The following ARVCF variants were observed in gnomAD, a reference collection of about 807,000 sequenced individuals.
The protein encoded by ARVCF is splicing regulator ARVCF.
A neutral mutation model predicts 90.9 loss-of-function variants in ARVCF; 66 were observed. That is an observed-to-expected ratio of 0.73 (90% CI 0.60 to 0.89). ARVCF has a LOEUF of 0.89. Ranked by LOEUF, ARVCF falls within the 40% of genes least tolerant of loss-of-function variation. The pLI, the probability that ARVCF is intolerant of heterozygous loss-of-function variation, is 0.00. For missense variants in ARVCF, 1,469 were observed against 1,382.3 expected, an observed-to-expected ratio of 1.06 and a Z score of -1.00; for synonymous variants, 653 against 603.4, an observed-to-expected ratio of 1.08 and a Z score of -1.21.
At chr22:19,996,367 C>T (rs1944251832) in intron 2 of ARVCF, among the ~76,000 whole-genome samples, 1 of 150,986 alleles carries the variant, frequency 6.6e-6, no homozygotes, top group Admixed American at 6.6e-5. Context: ...AGAACTGACA[C>T]CATTTAGAGC....
At chr22:19,989,454 G>C (rs1427563357) in intron 3 of ARVCF, among the ~76,000 whole-genome samples, 4 of 152,158 alleles carry the variant, frequency 2.6e-5, no homozygotes, top group African/African-American at 9.7e-5. Context: ...GCCTGACACA[G>C]GCTGCTGGTT....
intron 2 of ARVCF, among the ~76,000 whole-genome samples, chr22:19,991,831 G>A (rs1261003844): frequency 6.6e-6 from 1 of 152,264 alleles, no homozygotes; most frequent in Non-Finnish European, 1.5e-5. Flanking sequence ...ATAGCCACGA[G>A]GCCACACTGC....
Position 19,977,980 on chromosome 22 carries a change from C to G in ARVCF, c.1676G>C (p.Gly559Ala). The G allele has an allele frequency of 6.2e-7, 1 of 1,610,014 alleles. No homozygotes were observed. The highest frequency in any genetic ancestry group is 1.7e-5 in the Admixed American group (1 of 59,632). The stretch of plus-strand genomic sequence containing the variant: ...CACCTTGTTGTCAGTGTCCTTCCGG[C>G]CCACAGCCGACTGCAGGGCATGCAG... ...ALLHALQSAV[G>A]RKDTDNKSVE... is the part of the protein sequence containing the mutation. The change falls in exon 8 of 20, where the codon GGC (glycine) becomes GCC (alanine). Residue 559 changes from glycine (G) to alanine (A), a missense_variant. Physicochemically the swap from Gly to Ala is moderately conservative, Grantham distance 60. Transcript: ENST00000263207.
chr22:20,003,158 C>T (rs938922905), intron 2 of ARVCF, among the ~76,000 whole-genome samples: 16 of 152,120 alleles, frequency 1.1e-4, no homozygotes, highest in Admixed American at 2.6e-4. Flanking sequence ...AAACACACAA[C>T]CTACCAAGAC....
intron 2 of ARVCF, among the ~76,000 whole-genome samples, chr22:20,002,796 G>A (rs1244939589): frequency 6.6e-6 from 1 of 152,214 alleles, no homozygotes; most frequent in African/African-American, 2.4e-5. Flanking sequence ...AGCTGCTGAT[G>A]TGTGGAATTG....
rs1601578859 is a variant in ARVCF at position 19,974,165 on chromosome 22, T to C, written c.2035A>G (p.Thr679Ala). ...AGAGCGCCGGCGGCAGCCTCCAGGG[T>C]GTTGAAGTTCCGGCTCTCCGTGAGG... ...SLLTESRNFN[T>A]LEAAAGALQN... The change falls in exon 12 of 20, where the codon ACC becomes GCC. Residue 679 changes from threonine to alanine, a missense_variant. Transcript: ENST00000263207. 1 of 1,612,698 alleles carries C rather than the reference T, an allele frequency of 6.2e-7. No homozygotes were observed. Among genetic ancestry groups the C allele is most frequent in the Admixed American group, 1.7e-5 (1 of 59,962 alleles).
At chr22:19,969,784 G>A, downstream of ARVCF, 12 of 958,178 alleles carry the variant, frequency 1.3e-5, no homozygotes, top group Non-Finnish European at 1.5e-5. Flanking sequence ...GGACACAGCA[G>A]ATGGGCACCT....
intron 7 of ARVCF, among the ~76,000 whole-genome samples, chr22:19,978,619 C>G (rs547395391): frequency 2.6e-5 from 4 of 152,162 alleles, no homozygotes; most frequent in East Asian, 3.9e-4. Flanking sequence ...CCCAGCTCCC[C>G]CTCTGGCTGT....
chr22:19,967,392 C>T (rs949430761), downstream of ARVCF: 4 of 458,706 alleles, frequency 8.7e-6, no homozygotes, highest in Non-Finnish European at 1.7e-5. Context: ...ATTGCTAGGA[C>T]ATTTTTTTTT....
chr22:20,016,449 G>T, intron 1 of ARVCF, 140 bp downstream of exon 1: 1 of 151,936 alleles, frequency 6.6e-6, no homozygotes, highest in East Asian at 2.0e-4. Flanking sequence ...ACCCTCGCCC[G>T]GATCTCGACT....
In ARVCF at chr22:19,977,906, G is replaced by A. The variant is rs574458120; in HGVS notation, c.1698+52C>T. 15 of 1,535,914 alleles carry A rather than the reference G, an allele frequency of 9.8e-6. 1 individual carries two copies. In the South Asian group the frequency reaches 1.1e-4, roughly 11 times the overall value. ...CCACAGTTCCAGCCTCCTGGGACCT[G>A]CATGATCGTCTCTCCAGCCCTTGGT... On this transcript the variant is annotated intron_variant, in intron 8 of 19. Transcript: ENST00000263207.
intron 3 of ARVCF, chr22:19,986,659 C>T: frequency 5.8e-6 from 1 of 172,696 alleles, no homozygotes; most frequent in Non-Finnish European, 1.2e-5. Context: ...ACCCGGGCTT[C>T]CCTCTTCAGA....
In ARVCF at chr22:20,002,216, T is replaced by C. The variant is rs75270220; in HGVS notation, c.-19+8239A>G. On this transcript the variant is annotated intron_variant, in intron 2 of 19. Transcript: ENST00000263207. Reference sequence around the variant, plus strand: ...ATGTGTCTACCTCTGGCTTTTACAATTCAGTCTCATTTCCTCTGGCTCCTA... The same window carrying C: ...ATGTGTCTACCTCTGGCTTTTACAACTCAGTCTCATTTCCTCTGGCTCCTA... 7.8e-3 allele frequency among the ~76,000 whole-genome samples: 1,188 copies of C among 152,316 alleles called. 9 individuals carry two copies. Among genetic ancestry groups the C allele is most frequent in the Non-Finnish European group, 0.011 (779 of 68,026 alleles).
Position 20,016,144 on chromosome 22 carries a change from C to T in ARVCF, c.-73+445G>A, listed in dbSNP as rs1006204098. On this transcript the variant is annotated intron_variant, in intron 1 of 19. Transcript: ENST00000263207. The stretch of plus-strand genomic sequence containing the variant: ...GGGCCGTCGGTGCCCCTGAGCTTCC[C>T]GGCGGCGCGCTGCCCCAGGAAAGTT... Among the ~76,000 whole-genome samples, 28 of 152,264 alleles carry T rather than the reference C, an allele frequency of 1.8e-4. No individual in the cohort carries two copies. In the East Asian group the frequency reaches 5.2e-3, roughly 28 times the overall value.
Position 19,994,366 on chromosome 22 carries a change from G to C in ARVCF, c.-18-3554C>G, listed in dbSNP as rs1162420153. ...TAGACATACAGATGAATGGATGGAT[G>C]GGTGGGTGGGGGGATGGTGGAGGAT... On this transcript the variant is annotated intron_variant, in intron 2 of 19. Transcript: ENST00000263207. 2.0e-5 allele frequency among the ~76,000 whole-genome samples: 3 copies of C among 148,772 alleles called. No homozygotes were observed. In the East Asian group the frequency reaches 6.0e-4, roughly 30 times the overall value.
At chr22:19,991,699 C>A (rs1177550991) in intron 2 of ARVCF, among the ~76,000 whole-genome samples, 1 of 152,216 alleles carries the variant, frequency 6.6e-6, no homozygotes, top group African/African-American at 2.4e-5. Context: ...GCCGCAGAGA[C>A]AAACCAGCAC....
intron 10 of ARVCF, among the ~76,000 whole-genome samples, chr22:19,975,978 G>A (rs1943132853): frequency 6.6e-6 from 1 of 152,120 alleles, no homozygotes; most frequent in Non-Finnish European, 1.5e-5. Flanking sequence ...TCCCAGCCCT[G>A]CCCCTAGGAC....
intron 3 of ARVCF, among the ~76,000 whole-genome samples, chr22:19,984,623 C>T (rs1048336862): frequency 2.6e-5 from 4 of 152,222 alleles, no homozygotes; most frequent in Non-Finnish European, 1.5e-5. Flanking sequence ...TGTACATACA[C>T]GTGTGCAAGT....
intron 17 of ARVCF, 54 bp downstream of exon 17, chr22:19,972,304 A>G: frequency 5.0e-6 from 8 of 1,610,320 alleles, no homozygotes; most frequent in Non-Finnish European, 6.8e-6. Context: ...GGCCCACTTC[A>G]GGCCTTGGTC....
Sources: allele counts gnomAD v4.1 joint callset (sites outside exome capture counted in the v4.1 genomes callset), GRCh38; gene constraint gnomAD v4.1.1; transcripts MANE v1.5; gene names NCBI Gene and HGNC (gene_info 2026-07-23, HGNC 2026-07-21).